RNF20: variants seen among roughly 807,000 people sequenced by gnomAD.
The protein encoded by RNF20 is ring finger protein 20.
In RNF20, 84 loss-of-function variants were observed where a neutral mutation model predicts 126.2. The observed-to-expected ratio is 0.67, with a 90% CI of 0.56 to 0.80. RNF20 has a LOEUF of 0.80. Ranked by LOEUF, RNF20 falls within the 30% of genes least tolerant of loss-of-function variation. The pLI is 0.00. For missense variants in RNF20, 869 were observed against 1,188.2 expected (o/e 0.73, Z 3.95); for synonymous variants, 400 against 414.3 (o/e 0.97, Z 0.42).
intron 4 of RNF20, 62 bp downstream of exon 4, chr9:101,540,699 C>G: frequency 1.3e-6 from 2 of 1,596,078 alleles, no homozygotes; most frequent in Non-Finnish European, 1.7e-6. Flanking sequence ...TAGAGCTCTG[C>G]TTTGAGGCTT....
intron 15 of RNF20, among the ~76,000 whole-genome samples, chr9:101,556,730 G>A (rs756389397): frequency 2.0e-5 from 3 of 151,912 alleles, no homozygotes; most frequent in Admixed American, 6.6e-5. Context: ...AACACTGTTA[G>A]CAAAGCCAAA....
chr9:101,551,585 A>G (rs1827445882), intron 10 of RNF20, 99 bp from the exon 11 acceptor site: 3 of 1,094,280 alleles, frequency 2.7e-6, no homozygotes, highest in South Asian at 3.8e-5. Flanking sequence ...TTCATTACGT[A>G]TAGATTGAAC....
At chr9:101,543,709 A>G (rs1384174501) in intron 5 of RNF20, among the ~76,000 whole-genome samples, 1 of 152,256 alleles carries the variant, frequency 6.6e-6, no homozygotes, top group Non-Finnish European at 1.5e-5. Context: ...CTAAACATTT[A>G]TTGAATTTTA....
Position 101,557,423 on chromosome 9 carries a change from C to T in RNF20, c.2209C>T (p.Gln737Ter). 3.1e-6 allele frequency: 5 copies of T among 1,613,964 alleles called. No individual in the cohort carries two copies. The highest frequency in any genetic ancestry group is 4.2e-6 in the Non-Finnish European group (5 of 1,179,924). ...CCTCTCTGAAATGGATGTCACAGGC[C>T]AGGCCTTTGAAGACATGCAGGAGCA... ...ALLSEMDVTG[Q>*]AFEDMQEQNI... The change falls in exon 16 of 20, where the codon CAG becomes TAG. Residue 737 changes from glutamine (Q) to a stop codon, truncating the protein, a stop_gained. Transcript: ENST00000389120. LOFTEE classifies it high-confidence loss of function.
intron 6 of RNF20, among the ~76,000 whole-genome samples, 157 bp downstream of exon 6, chr9:101,545,042 G>C (rs1318872270): frequency 6.6e-6 from 1 of 152,074 alleles, no homozygotes; most frequent in Non-Finnish European, 1.5e-5. Flanking sequence ...TCCAAATAAT[G>C]AATTACCCTA....
At position 101,554,113 on chromosome 9, in the gene RNF20, A is replaced by G; in HGVS notation, c.2019+8A>G. 3 of 1,444,412 alleles carry G rather than the reference A, an allele frequency of 2.1e-6. No homozygotes were observed. Among genetic ancestry groups the G allele is most frequent in the Non-Finnish European group, 2.9e-6 (3 of 1,025,880 alleles). The allele number at this position is 1,444,412 out of a possible 1,614,324, so 89.5% of individuals were successfully genotyped here. A position where few individuals can be genotyped will look rare whatever the true frequency, so the allele number is the denominator to read the frequency against. Reference sequence around the variant, plus strand: ...AAGAAGTCTAAGGCAGAGGTATTCTAGTCTGCTATTACCTGTCCTTCTGGT... The same window carrying G: ...AAGAAGTCTAAGGCAGAGGTATTCTGGTCTGCTATTACCTGTCCTTCTGGT... On this transcript the variant is annotated splice_region_variant and intron_variant, in intron 14 of 19. Transcript: ENST00000389120.
At chr9:101,534,977 G>A (rs942113195) in intron 1 of RNF20, among the ~76,000 whole-genome samples, 1 of 149,394 alleles carries the variant, frequency 6.7e-6, no homozygotes, top group Non-Finnish European at 1.5e-5. Context: ...GTGCGATCTC[G>A]GCTCACTGCA....
chr9:101,544,102 G>A (rs1417429700), intron 5 of RNF20, among the ~76,000 whole-genome samples: 2 of 152,100 alleles, frequency 1.3e-5, no homozygotes, highest in Non-Finnish European at 2.9e-5. Context: ...AATTACATTT[G>A]GATTTCAGCT....
rs1390705111 is a variant in RNF20 at position 101,540,364 on chromosome 9, G to C, written c.291G>C (p.Trp97Cys). ...DASLLIVNRY[W>C]SQFDENIRII... ...CACTATTGATTGTCAACCGATACTG[G>C]AGTCAGGTAGCTAACTTGTTTATTT... The change falls in exon 3 of 20, where the codon TGG becomes TGC. Residue 97 changes from tryptophan to cysteine, a missense_variant. Around this residue, in one of 8 missense-constraint regions of RNF20, gnomAD observed 157 missense variants for 236.0 expected, o/e 0.67. Coordinates refer to ENST00000389120, the MANE Select transcript of RNF20 (RefSeq NM_019592.7). The C allele has an allele frequency of 1.2e-6, 2 of 1,614,140 alleles. No individual in the cohort carries two copies.
intron 11 of RNF20, 41 bp from the exon 12 acceptor site, chr9:101,552,100 T>C: frequency 6.2e-7 from 1 of 1,613,844 alleles, no homozygotes; most frequent in Non-Finnish European, 8.5e-7. Flanking sequence ...GCCTTTGCCC[T>C]TACCACGGTT....
chr9:101,550,585 T>G (rs769421280), intron 9 of RNF20, 21 bp from the exon 10 acceptor site: 1 of 1,603,378 alleles, frequency 6.2e-7, no homozygotes, highest in East Asian at 2.2e-5. Flanking sequence ...TGCTTCTGAC[T>G]TTGCTTTGGG....
At chr9:101,539,591 G>A (rs565195845) in intron 2 of RNF20, among the ~76,000 whole-genome samples, 25 of 152,294 alleles carry the variant, frequency 1.6e-4, no homozygotes, top group African/African-American at 5.1e-4. Context: ...CTGGAAAGAC[G>A]TGGTGTTTTT....
Position 101,547,536 on chromosome 9 carries a change from A to G in RNF20, c.1092+18A>G. On this transcript the variant is annotated intron_variant, in intron 9 of 19. Transcript: ENST00000389120. ...AGCTGAAGGTAGGAACGCATCCCTGAAGGGCAGTAAAATCAGACGTTCTGC... is the reference window on the plus strand; with the variant it reads ...AGCTGAAGGTAGGAACGCATCCCTGGAGGGCAGTAAAATCAGACGTTCTGC... 6.2e-7 allele frequency: 1 copy of G among 1,613,410 alleles called. No homozygotes were observed. The highest frequency in any genetic ancestry group is 1.3e-5 in the African/African-American group (1 of 75,016).
intron 9 of RNF20, among the ~76,000 whole-genome samples, chr9:101,548,866 T>C (rs1827396144): frequency 6.6e-6 from 1 of 152,098 alleles, no homozygotes; most frequent in Non-Finnish European, 1.5e-5. Context: ...GCAGGGGGCA[T>C]ATATATACTG....
At chr9:101,540,177 A>T (rs1391847785) in intron 2 of RNF20, 26 bp from the exon 3 acceptor site, 2 of 1,608,250 alleles carry the variant, frequency 1.2e-6, no homozygotes, top group South Asian at 2.2e-5. Context: ...CTTTGTGGAG[A>T]CTAATACGAT....
At chr9:101,558,757 T>G (rs891834254) in intron 16 of RNF20, among the ~76,000 whole-genome samples, 3 of 152,180 alleles carry the variant, frequency 2.0e-5, no homozygotes, top group African/African-American at 7.2e-5. Flanking sequence ...GGATTGTTTG[T>G]TTTGTTCTTG....
Position 101,552,188 on chromosome 9 carries a change from C to T in RNF20, c.1456C>T (p.His486Tyr). 1 of 1,614,128 alleles carries T rather than the reference C, an allele frequency of 6.2e-7. No homozygotes were observed. Among genetic ancestry groups the T allele is most frequent in the Non-Finnish European group, 8.5e-7 (1 of 1,180,028 alleles). The change falls in exon 12 of 20, where the codon CAC becomes TAC. Residue 486 changes from histidine (H) to tyrosine (Y), a missense_variant. Physicochemically the swap from His to Tyr is moderately conservative, Grantham distance 83. This residue lies in a region of RNF20 where 231 missense variants were observed against 263.6 expected (regional missense o/e 0.88). Transcript: ENST00000389120. The part of the protein sequence containing the change: ...MRHLISSLQN[H>Y]NHQLKGEVLR... Reference sequence around the variant, plus strand: ...CCACCTCATCAGTAGCCTCCAGAATCACAATCACCAGCTGAAAGGGGAGGT... The same window carrying T: ...CCACCTCATCAGTAGCCTCCAGAATTACAATCACCAGCTGAAAGGGGAGGT...
chr9:101,535,202 C>T (rs77562667), intron 1 of RNF20, among the ~76,000 whole-genome samples, 196 bp from the exon 2 acceptor site: 3 of 151,776 alleles, frequency 2.0e-5, no homozygotes, highest in East Asian at 1.9e-4. Flanking sequence ...CCACCGCGCC[C>T]GGCCCGCCTT....
intron 17 of RNF20, 76 bp downstream of exon 17, chr9:101,561,002 C>T: frequency 6.3e-7 from 1 of 1,597,862 alleles, no homozygotes; most frequent in Admixed American, 1.7e-5. Context: ...TGTAAGTTCG[C>T]TTTATTCCTT....
Sources: allele counts gnomAD v4.1 joint callset (sites outside exome capture counted in the v4.1 genomes callset), GRCh38; gene constraint gnomAD v4.1.1; regional missense constraint gnomAD v4.1.1; transcripts MANE v1.5; gene names NCBI Gene and HGNC (gene_info 2026-07-23, HGNC 2026-07-21).